HIVEP3: variants seen among roughly 807,000 people sequenced by gnomAD.
The protein encoded by HIVEP3 is HIVEP zinc finger 3.
A neutral mutation model predicts 152.8 loss-of-function variants in HIVEP3; 49 were observed. The observed-to-expected ratio is 0.32, with a 90% CI of 0.26 to 0.41. The LOEUF is 0.41. HIVEP3 is among the 10% of genes least tolerant of loss of function. The probability of loss-of-function intolerance (pLI) is 1.00; values close to 1 mark genes in which losing one functional copy is unlikely to be tolerated. For missense variants in HIVEP3, 2,790 were observed against 3,103.3 expected (o/e 0.90, Z 2.40); for synonymous variants, 1,269 against 1,289.0 (o/e 0.98, Z 0.33).
intron 1 of HIVEP3, among the ~76,000 whole-genome samples, chr1:41,786,102 C>T (rs1039244207): frequency 6.6e-6 from 1 of 152,232 alleles, no homozygotes; most frequent in African/African-American, 2.4e-5. Flanking sequence ...TGCAGAGTCA[C>T]AGCCGGCTGC....
rs1403898985 is a variant in HIVEP3, at chr1:41,579,958, G to C, written c.4840C>G (p.Pro1614Ala). Residue 1614 changes from proline to alanine, a missense_variant, in exon 4 of 9, where the codon CCA (proline) becomes GCA (alanine). This residue lies in a region of HIVEP3 where 1,078 missense variants were observed against 1,165.3 expected (regional missense o/e 0.93). Coordinates refer to ENST00000372583, the MANE Select transcript of HIVEP3 (RefSeq NM_024503.5). ...VSWCYLNYIKPNHIQHADRRS... is the reference protein window; with the variant it reads ...VSWCYLNYIKANHIQHADRRS... ...CTATCTGCATGCTGGATGTGATTTGGCTTAATGTAGTTTAAATAGCACCAA... is the reference window on the plus strand; with the variant it reads ...CTATCTGCATGCTGGATGTGATTTGCCTTAATGTAGTTTAAATAGCACCAA... The C allele has an allele frequency of 6.2e-7, 1 of 1,614,254 alleles. No homozygotes were observed. Among genetic ancestry groups the C allele is most frequent in the Non-Finnish European group, 8.5e-7 (1 of 1,180,046 alleles).
chr1:41,816,411 G>C (rs1359174367), intron 1 of HIVEP3, among the ~76,000 whole-genome samples: 1 of 152,222 alleles, frequency 6.6e-6, no homozygotes, highest in Non-Finnish European at 1.5e-5. Context: ...TTACGGCTGG[G>C]TGCAGTGGCA....
rs1642855981 is a variant in HIVEP3, at chr1:41,524,880, C to G, written c.5238G>C (p.Val1746=). ...GYKSNEEYVY[V]RGRGRGKYVC... Reference sequence around the variant, plus strand: ...CATATTTCCCTCGGCCGCGGCCTCGCACATATACATACTCTTCGTTTGATT... The same window carrying G: ...CATATTTCCCTCGGCCGCGGCCTCGGACATATACATACTCTTCGTTTGATT... Residue 1746 remains valine, a synonymous_variant, in exon 6 of 9, where the codon GTG becomes GTC. Transcript: ENST00000372583. 6.2e-7 allele frequency: 1 copy of G among 1,614,102 alleles called. No individual in the cohort carries two copies. The highest frequency in any genetic ancestry group is 1.7e-5 in the Admixed American group (1 of 60,030).
chr1:41,708,668 C>T (rs187827322), intron 1 of HIVEP3, among the ~76,000 whole-genome samples: 274 of 152,300 alleles, frequency 1.8e-3, no homozygotes, highest in Middle Eastern at 3.4e-3. Context: ...TCCCTCTTTG[C>T]TTAAGTTATC....
intron 2 of HIVEP3, among the ~76,000 whole-genome samples, chr1:41,652,783 C>T (rs1262619928): frequency 6.6e-6 from 1 of 152,158 alleles, no homozygotes; most frequent in Admixed American, 6.5e-5. Context: ...TGTGTGAAAG[C>T]TATACATGAC....
chr1:41,680,430 C>T (rs1646020907), intron 2 of HIVEP3, among the ~76,000 whole-genome samples: 1 of 152,234 alleles, frequency 6.6e-6, no homozygotes, highest in South Asian at 2.1e-4. Flanking sequence ...AGATCACTTA[C>T]AGGTTCTTAG....
At position 41,976,287 on chromosome 1, in the gene HIVEP3, C is replaced by T. The variant is rs538736302; in HGVS notation, n.120-57763G>A. ...CACTTCTCTCTAAAGCACTATTATT[C>T]TTCTCCTGAGACGGAGTACTTTCAG... On this transcript the variant is annotated intron_variant and non_coding_transcript_variant, in intron 1 of 3. Coordinates refer to the HIVEP3 transcript ENST00000489103. 3.3e-5 allele frequency among the ~76,000 whole-genome samples: 5 copies of T among 152,302 alleles called. No individual in the cohort carries two copies. In the South Asian group the frequency reaches 1.0e-3, roughly 32 times the overall value.
At chr1:41,526,789 C>T (rs1209656163) in intron 5 of HIVEP3, among the ~76,000 whole-genome samples, 1 of 138,556 alleles carries the variant, frequency 7.2e-6, no homozygotes, top group Non-Finnish European at 1.6e-5. Flanking sequence ...TAACACACAC[C>T]CTCACACGCT....
At chr1:41,964,258 C>T (rs1454788864) in intron 1 of HIVEP3, among the ~76,000 whole-genome samples, 2 of 152,134 alleles carry the variant, frequency 1.3e-5, no homozygotes, top group Admixed American at 1.3e-4. Context: ...ATGTGACCCA[C>T]GCAGAGCGAG....
At chr1:41,899,810 G>A (rs1224976459) in intron 1 of HIVEP3, among the ~76,000 whole-genome samples, 2 of 152,174 alleles carry the variant, frequency 1.3e-5, no homozygotes, top group East Asian at 1.9e-4. Flanking sequence ...CAGCTTATAA[G>A]ATAGGAAACT....
chr1:41,841,705 C>G (rs961445420), intron 1 of HIVEP3, among the ~76,000 whole-genome samples: 1 of 152,210 alleles, frequency 6.6e-6, no homozygotes, highest in Admixed American at 6.5e-5. Context: ...AATGTCCTCA[C>G]GCGTAAGTGA....
chr1:41,646,547 A>AC (rs1645463078), intron 2 of HIVEP3, among the ~76,000 whole-genome samples: 3 of 152,156 alleles, frequency 2.0e-5, no homozygotes. Flanking sequence ...CCTGCAGGAG[A>AC]CCATGTTCAA....
chr1:41,736,910 A>G (rs2124198055), intron 1 of HIVEP3, among the ~76,000 whole-genome samples: 1 of 152,210 alleles, frequency 6.6e-6, no homozygotes, highest in African/African-American at 2.4e-5. Context: ...AGAAGCTGAC[A>G]CGGTTGGCCA....
intron 1 of HIVEP3, among the ~76,000 whole-genome samples, chr1:41,776,355 T>C (rs1648703511): frequency 6.6e-6 from 1 of 152,256 alleles, no homozygotes; most frequent in South Asian, 2.1e-4. Flanking sequence ...ATGCCCTCTG[T>C]GCCAGGCACC....
At chr1:41,816,615 G>T (rs939132345) in intron 1 of HIVEP3, among the ~76,000 whole-genome samples, 1 of 152,186 alleles carries the variant, frequency 6.6e-6, no homozygotes, top group Non-Finnish European at 1.5e-5. Context: ...GGAGGCAGGA[G>T]TTGCAGTGGG....
At chr1:41,985,484 A>T (rs1645317131) in intron 1 of HIVEP3, among the ~76,000 whole-genome samples, 1 of 152,218 alleles carries the variant, frequency 6.6e-6, no homozygotes, top group Admixed American at 6.5e-5. Context: ...CTGTGTCTTC[A>T]CATGCCAGAG....
rs1392382188 is a variant in HIVEP3 at position 41,562,096 on chromosome 1, A to C, written c.5207+13448T>G. ...CTTTCTGTATGCTGGACCTGGGATA[A>C]ACAAGCCCATGTTATCTTACTATTA... On this transcript the variant is annotated intron_variant, in intron 5 of 8. Coordinates refer to ENST00000372583, the MANE Select transcript of HIVEP3 (RefSeq NM_024503.5). Among the ~76,000 whole-genome samples the C allele has an allele frequency of 3.3e-5, 5 of 152,332 alleles. No homozygotes were observed. In the East Asian group the frequency reaches 9.6e-4, roughly 29 times the overall value.
At chr1:41,661,530 T>C (rs1164437668) in intron 2 of HIVEP3, among the ~76,000 whole-genome samples, 1 of 152,172 alleles carries the variant, frequency 6.6e-6, no homozygotes, top group African/African-American at 2.4e-5. Context: ...CCCGCTAGGA[T>C]GTACCCCCAG....
chr1:41,753,851 A>G (rs1215360060), intron 1 of HIVEP3, among the ~76,000 whole-genome samples: 1 of 152,158 alleles, frequency 6.6e-6, no homozygotes, highest in East Asian at 1.9e-4. Flanking sequence ...CGGTGAATGA[A>G]TGAACAAAAT....
Sources: gnomAD v4.1 joint callset for allele counts (sites outside exome capture counted in the v4.1 genomes callset) on GRCh38, gnomAD v4.1.1 for gene constraint, gnomAD v4.1.1 regional missense constraint, MANE v1.5 for transcripts, NCBI Gene and HGNC (gene_info 2026-07-23, HGNC 2026-07-21) for gene names.